Variants in ESRRG observed in about 807,000 individuals in gnomAD.
ESRRG encodes the protein estrogen related receptor gamma.
Under a neutral mutation model 44.0 loss-of-function variants are expected in ESRRG, and 13 were observed. The observed-to-expected ratio is 0.30, with a 90% CI of 0.19 to 0.47. ESRRG has a LOEUF of 0.47. Ranked by LOEUF, ESRRG falls within the 20% of genes least tolerant of loss-of-function variation. The pLI is 1.00. For missense variants in ESRRG, 395 were observed against 580.6 expected (o/e 0.68, Z 3.29); for synonymous variants, 215 against 214.6 (o/e 1.00, Z -0.02).
chr1:216,939,353 A>AAAAAAAAC (rs1333828817), intron 2 of ESRRG, among the ~76,000 whole-genome samples: 5 of 115,164 alleles, frequency 4.3e-5, no homozygotes, highest in Admixed American at 2.5e-4. Flanking sequence ...CAAAAAAAAA[A>AAAAAAAAC]AAAAAAAAAA....
At chr1:217,015,088 G>A (rs979525181) in intron 1 of ESRRG, among the ~76,000 whole-genome samples, 5 of 152,072 alleles carry the variant, frequency 3.3e-5, no homozygotes, top group South Asian at 2.1e-4. Flanking sequence ...CTATGAACCC[G>A]AATCCAATCA....
rs528466158 is a variant in ESRRG at position 216,560,274 on chromosome 1, G to GC, written c.862+3944dup. ...AGATCAATTGAAAAATGTAACTGAG[G>GC]CCCCCCAAACTTGAGCAAAGTCCTC... On this transcript the variant is annotated intron_variant, in intron 5 of 6. Transcript: ENST00000408911. 5.3e-5 allele frequency among the ~76,000 whole-genome samples: 8 copies of GC among 151,968 alleles called. No homozygotes were observed. The South Asian group carries it at 6.3e-4, about 12-fold the overall frequency.
At chr1:216,508,571 T>G (rs976287112) in intron 6 of ESRRG, among the ~76,000 whole-genome samples, 14 of 152,176 alleles carry the variant, frequency 9.2e-5, no homozygotes, top group African/African-American at 3.4e-4. Context: ...CGCCTGGCCT[T>G]TCCCTGTGGA....
chr1:216,785,019 A>G (rs1321702323), intron 2 of ESRRG, among the ~76,000 whole-genome samples: 1 of 152,066 alleles, frequency 6.6e-6, no homozygotes, highest in Non-Finnish European at 1.5e-5. Context: ...CTGATGTCCA[A>G]ACATTTGCAG....
chr1:216,916,036 G>T (rs376792628), intron 2 of ESRRG, among the ~76,000 whole-genome samples: 1 of 152,094 alleles, frequency 6.6e-6, no homozygotes, highest in Admixed American at 6.6e-5. Flanking sequence ...CTACCACTGT[G>T]TGTGTGTGTG....
intron 6 of ESRRG, among the ~76,000 whole-genome samples, chr1:216,514,499 T>G (rs2043608811): frequency 6.6e-6 from 1 of 152,130 alleles, no homozygotes; most frequent in African/African-American, 2.4e-5. Context: ...TTGGGTAGTT[T>G]TATACTCCTC....
At chr1:217,034,530 C>T (rs1158832507) in intron 1 of ESRRG, among the ~76,000 whole-genome samples, 1 of 152,138 alleles carries the variant, frequency 6.6e-6, no homozygotes, top group Non-Finnish European at 1.5e-5. Context: ...GCGGACCTGG[C>T]CTTCTGCAGC....
intron 2 of ESRRG, among the ~76,000 whole-genome samples, chr1:216,656,803 A>G (rs1368848472): frequency 6.6e-6 from 1 of 152,180 alleles, no homozygotes; most frequent in African/African-American, 2.4e-5. Flanking sequence ...TGTAAAGCCA[A>G]TTTGAAAGCA....
chr1:216,948,108 T>C (rs1382937680), intron 1 of ESRRG, among the ~76,000 whole-genome samples: 3 of 152,160 alleles, frequency 2.0e-5, no homozygotes, highest in Non-Finnish European at 2.9e-5. Context: ...TAACTTTTAT[T>C]ATGTTTGAAC....
chr1:216,529,236 G>A (rs1219441468), intron 5 of ESRRG, among the ~76,000 whole-genome samples: 1 of 152,146 alleles, frequency 6.6e-6, no homozygotes, highest in Non-Finnish European at 1.5e-5. Flanking sequence ...GGGACTTTGA[G>A]GAAATGAAGC....
At chr1:217,134,493 C>G (rs971626245) in intron 1 of ESRRG, among the ~76,000 whole-genome samples, 1 of 152,202 alleles carries the variant, frequency 6.6e-6, no homozygotes, top group African/African-American at 2.4e-5. Flanking sequence ...TCCCTACCCC[C>G]GCTCTGGCCT....
At chr1:217,035,565 A>G (rs200764641) in intron 1 of ESRRG, among the ~76,000 whole-genome samples, 1 of 152,056 alleles carries the variant, frequency 6.6e-6, no homozygotes, top group Non-Finnish European at 1.5e-5. Flanking sequence ...GTCTGGCCAC[A>G]GAAGTGAGCT....
At chr1:216,586,475 C>T (rs559364201) in intron 3 of ESRRG, among the ~76,000 whole-genome samples, 20 of 151,840 alleles carry the variant, frequency 1.3e-4, no homozygotes, top group Non-Finnish European at 1.3e-4. Context: ...TAATTATTTC[C>T]GAAATATAAT....
At chr1:217,134,628 G>A (rs886252539) in intron 1 of ESRRG, among the ~76,000 whole-genome samples, 5 of 152,142 alleles carry the variant, frequency 3.3e-5, no homozygotes, top group African/African-American at 9.7e-5. Flanking sequence ...CGCCGTGCGC[G>A]AGTTTCCAGC....
At chr1:216,821,716 ATAAATAAAT>A in intron 2 of ESRRG, among the ~76,000 whole-genome samples, 1 of 146,242 alleles carries the variant, frequency 6.8e-6, no homozygotes, top group African/African-American at 2.5e-5. Flanking sequence ...AAATAAATAA[ATAAATAAAT>A]AAATAAATAA....
chr1:216,581,286 T>C (rs1381370233), intron 3 of ESRRG, among the ~76,000 whole-genome samples: 1 of 152,228 alleles, frequency 6.6e-6, no homozygotes, highest in African/African-American at 2.4e-5. Context: ...GTCACCCTTT[T>C]GGCAGAAATC....
chr1:216,902,951 C>A (rs780275179), intron 2 of ESRRG, among the ~76,000 whole-genome samples: 34 of 152,280 alleles, frequency 2.2e-4, no homozygotes, highest in Non-Finnish European at 3.1e-4. Flanking sequence ...TGAAACAGTA[C>A]AAGGCTGTCA....
intron 2 of ESRRG, among the ~76,000 whole-genome samples, chr1:216,793,196 A>T (rs1449896302): frequency 6.6e-6 from 1 of 152,140 alleles, no homozygotes; most frequent in Non-Finnish European, 1.5e-5. Context: ...GACACTGAGC[A>T]GGTCAGTATT....
intron 1 of ESRRG, among the ~76,000 whole-genome samples, chr1:216,940,574 G>A (rs139159790): frequency 1.3e-5 from 2 of 152,240 alleles, no homozygotes; most frequent in South Asian, 2.1e-4. Flanking sequence ...AGTAAAAGAT[G>A]TGGAGAAAAT....
Sources: gnomAD v4.1 joint callset for allele counts (sites outside exome capture counted in the v4.1 genomes callset) on GRCh38, gnomAD v4.1.1 for gene constraint, MANE v1.5 for transcripts, NCBI Gene and HGNC (gene_info 2026-07-23, HGNC 2026-07-21) for gene names.